The following NAV3 variants were observed in gnomAD, a reference collection of about 807,000 sequenced individuals.
NAV3 encodes the protein pore membrane and/or filament interacting like protein 1.
Under a neutral mutation model 244.7 loss-of-function variants are expected in NAV3, and 87 were observed. The ratio of observed to expected loss-of-function variants is 0.36; its 90% CI spans 0.30 to 0.42. The LOEUF is 0.42. Ranked by LOEUF, NAV3 falls within the 20% of genes least tolerant of loss-of-function variation. The pLI, the probability that NAV3 is intolerant of heterozygous loss-of-function variation, is 1.00. For missense variants in NAV3, 2,663 were observed against 2,893.3 expected (o/e 0.92, Z 1.83); for synonymous variants, 1,126 against 1,042.2 (o/e 1.08, Z -1.55).
At chr12:77,723,438 TG>T (rs1876731035) in intron 2 of NAV3, among the ~76,000 whole-genome samples, 1 of 152,024 alleles carries the variant, frequency 6.6e-6, no homozygotes, top group South Asian at 2.1e-4. Context: ...TTAGACTACA[TG>T]GAGCCACTGA....
rs1277262535 is a variant in NAV3, at chr12:77,854,573, GTGTGTATGTGTGTA to G, written c.243+22875_243+22888del. On this transcript the variant is annotated intron_variant, in intron 1 of 39. Transcript: ENST00000397909. ...GCTATGTAATCATGATAAGCCAATT[GTGTGTATGTGTGTA>G]TGTGTGTGTGTGTGTGTGTTTGTGT... Among the ~76,000 whole-genome samples, 5 of 56,530 alleles carry G rather than the reference GTGTGTATGTGTGTA, an allele frequency of 8.8e-5. No homozygotes were observed. The South Asian group carries it at 2.5e-3, about 28-fold the overall frequency. 37.1% of individuals were successfully genotyped at this position (56,530 alleles called of 152,430 possible).
At chr12:77,973,210 C>G (rs1593163280) in intron 5 of NAV3, among the ~76,000 whole-genome samples, 1 of 152,164 alleles carries the variant, frequency 6.6e-6, no homozygotes, top group South Asian at 2.1e-4. Context: ...ATTTTACCAA[C>G]TCACAGATAG....
intron 2 of NAV3, among the ~76,000 whole-genome samples, chr12:77,741,592 A>G (rs944817600): frequency 6.6e-6 from 1 of 152,108 alleles, no homozygotes; most frequent in Admixed American, 6.6e-5. Context: ...ACTCAACCAC[A>G]TGGAGTGTAT....
intron 18 of NAV3, among the ~76,000 whole-genome samples, chr12:78,129,937 TC>T (rs1476910240): frequency 6.6e-6 from 1 of 152,132 alleles, no homozygotes; most frequent in African/African-American, 2.4e-5. Context: ...AAACACACAA[TC>T]CAAAACCTTA....
chr12:77,648,296 A>AGCACACATACTCGTAC (rs575989434), intron 2 of NAV3, among the ~76,000 whole-genome samples: 50 of 152,070 alleles, frequency 3.3e-4, no homozygotes, highest in Non-Finnish European at 6.3e-4. Context: ...TCTTTTCAGA[A>AGCACACATACTCGTAC]GCACACATAC....
At chr12:78,108,635 A>G (rs1431892930) in intron 12 of NAV3, among the ~76,000 whole-genome samples, 1 of 152,166 alleles carries the variant, frequency 6.6e-6, no homozygotes, top group Non-Finnish European at 1.5e-5. Context: ...GAATAATGCT[A>G]GAAATCAATG....
chr12:78,065,501 G>A lies in NAV3; in HGVS notation c.2636+6386G>A, dbSNP rs140523311. 3.4e-4 allele frequency among the ~76,000 whole-genome samples: 52 copies of A among 152,270 alleles called. 1 individual carries two copies. Among genetic ancestry groups the A allele is most frequent in the African/African-American group, 1.2e-3 (51 of 41,568 alleles). On this transcript the variant is annotated intron_variant, in intron 12 of 39. Transcript: ENST00000397909. ...ATAAAGGAAGAACAACCATTGGAGA[G>A]ACAGAGAAATCAGCTTTAACACAAA...
chr12:77,945,382 C>G (rs371159077), intron 3 of NAV3, among the ~76,000 whole-genome samples: 44 of 151,954 alleles, frequency 2.9e-4, no homozygotes, highest in Admixed American at 7.2e-4. Flanking sequence ...GGTGAAGATA[C>G]GGATACTTGA....
chr12:78,057,468 A>G (rs11108055), intron 11 of NAV3, among the ~76,000 whole-genome samples: 1,601 of 152,334 alleles, frequency 0.011, 28 homozygotes, highest in African/African-American at 0.036. Flanking sequence ...GAGCTGTGTT[A>G]AAAAGATCCA....
At chr12:78,039,799 T>C (rs1880547225) in intron 9 of NAV3, among the ~76,000 whole-genome samples, 1 of 152,004 alleles carries the variant, frequency 6.6e-6, no homozygotes. Context: ...TAAGAACACC[T>C]TATGAGCAGT....
At chr12:77,945,907 C>A (rs1358167976) in intron 3 of NAV3, among the ~76,000 whole-genome samples, 1 of 151,582 alleles carries the variant, frequency 6.6e-6, no homozygotes, top group African/African-American at 2.4e-5. Context: ...CACCACCACA[C>A]CTGGCTAATA....
chr12:77,647,026 C>T (rs1872630440), intron 2 of NAV3, among the ~76,000 whole-genome samples: 1 of 150,872 alleles, frequency 6.6e-6, no homozygotes, highest in Non-Finnish European at 1.5e-5. Flanking sequence ...TGGACATACA[C>T]ACACACATAT....
chr12:77,795,578 CAGTAT>C (rs1274447467), intron 2 of NAV3, among the ~76,000 whole-genome samples: 15 of 151,976 alleles, frequency 9.9e-5, no homozygotes, highest in African/African-American at 3.6e-4. Flanking sequence ...TATGTATGTG[CAGTAT>C]AGTTATACTG....
At position 77,654,070 on chromosome 12, in the gene NAV3, G is replaced by C. The variant is rs1872953025; in HGVS notation, c.72+81804G>C. On this transcript the variant is annotated intron_variant, in intron 2 of 8. Transcript: ENST00000550042. Reference sequence around the variant, plus strand: ...TCTGCATTTCCATCTGAGGTACCGGGTTCATCTCACTAGGGAGTGCCAGAC... The same window carrying C: ...TCTGCATTTCCATCTGAGGTACCGGCTTCATCTCACTAGGGAGTGCCAGAC... Among the ~76,000 whole-genome samples, 4 of 152,212 alleles carry C rather than the reference G, an allele frequency of 2.6e-5. No individual in the cohort carries two copies. In the South Asian group the frequency reaches 8.3e-4, roughly 31 times the overall value.
At chr12:77,698,048 G>A (rs1277680228) in intron 2 of NAV3, among the ~76,000 whole-genome samples, 2 of 151,722 alleles carry the variant, frequency 1.3e-5, no homozygotes, top group Non-Finnish European at 2.9e-5. Flanking sequence ...GGGGATAAAG[G>A]GATGACAAAA....
intron 2 of NAV3, among the ~76,000 whole-genome samples, chr12:77,703,617 T>C (rs1457491129): frequency 2.6e-5 from 4 of 152,184 alleles, no homozygotes; most frequent in African/African-American, 9.6e-5. Context: ...AAAATAGTTA[T>C]AACATTTTCC....
chr12:77,751,341 A>G (rs1454178962), intron 2 of NAV3, among the ~76,000 whole-genome samples: 2 of 152,120 alleles, frequency 1.3e-5, no homozygotes, highest in Non-Finnish European at 2.9e-5. Context: ...AGGCATATCT[A>G]CCTATACACA....
chr12:77,928,242 A>AAAAAAG (rs753246963), intron 1 of NAV3, among the ~76,000 whole-genome samples: 2,069 of 137,470 alleles, frequency 0.015, 37 homozygotes, highest in South Asian at 0.027. Context: ...AAAAAAAAAA[A>AAAAAAG]AGAGAGAGAG....
At chr12:77,854,411 C>T (rs779392509) in intron 1 of NAV3, among the ~76,000 whole-genome samples, 70 of 152,242 alleles carry the variant, frequency 4.6e-4, no homozygotes, top group Non-Finnish European at 8.2e-4. Context: ...AAACAAGTGT[C>T]CTCCAACTTT....
Sources: allele counts gnomAD v4.1 joint callset (sites outside exome capture counted in the v4.1 genomes callset), GRCh38; gene constraint gnomAD v4.1.1; transcripts MANE v1.5; gene names NCBI Gene and HGNC (gene_info 2026-07-23, HGNC 2026-07-21).